The following SRRM3 variants were observed in gnomAD, a reference collection of about 807,000 sequenced individuals.
The protein encoded by SRRM3 is serine/arginine repetitive matrix protein 3.
SRRM3 carries 27 observed loss-of-function variants against 66.2 expected under a neutral mutation model. The observed-to-expected ratio is 0.41, with a 90% CI of 0.30 to 0.56. The LOEUF is 0.56. SRRM3 is among the 20% of genes least tolerant of loss of function. The pLI, the probability that SRRM3 is intolerant of heterozygous loss-of-function variation, is 0.32. For missense variants in SRRM3, 918 were observed against 991.9 expected, an observed-to-expected ratio of 0.93 and a Z score of 1.00; for synonymous variants, 391 against 414.9, an observed-to-expected ratio of 0.94 and a Z score of 0.70.
At chr7:76,283,197 C>A in intron 14 of SRRM3, 96 bp downstream of exon 14, 7 of 1,287,872 alleles carry the variant, frequency 5.4e-6, no homozygotes, top group Non-Finnish European at 6.9e-6. Flanking sequence ...CTCTGAGGAT[C>A]CACTGAACCT....
chr7:76,246,062 C>T (rs1304233634), intron 2 of SRRM3, among the ~76,000 whole-genome samples: 1 of 152,146 alleles, frequency 6.6e-6, no homozygotes, highest in African/African-American at 2.4e-5. Context: ...TCACCATGTT[C>T]TCTGTCCTAG....
At chr7:76,248,128 C>T (rs570658579) in intron 2 of SRRM3, 60 bp from the exon 3 acceptor site, 2 of 1,395,708 alleles carry the variant, frequency 1.4e-6, no homozygotes, top group African/African-American at 2.8e-5. Context: ...GAGTGCGGGG[C>T]AGGAAAGAGG....
chr7:76,285,435 G>GA lies in SRRM3; in HGVS notation c.1734-176dup, dbSNP rs1802638264. Among the ~76,000 whole-genome samples, 1 of 152,202 alleles carries GA rather than the reference G, an allele frequency of 6.6e-6. No individual in the cohort carries two copies. ...TCTCCTTTCCCTGCAGATAGGTGAA[G>GA]AAAAGCAAAATGATCAACATGGAAT... On this transcript the variant is annotated intron_variant, in intron 14 of 14. Transcript: ENST00000611745. The surrounding 1 kb of genome is among the most constrained non-coding windows in gnomAD (Gnocchi z 4.1).
rs1295430275 is a variant in SRRM3 at position 76,285,320 on chromosome 7, T to A, written c.1734-295T>A. 5.2e-6 allele frequency: 2 copies of A among 387,042 alleles called. No individual in the cohort carries two copies. The highest frequency in any genetic ancestry group is 9.5e-6 in the Non-Finnish European group (2 of 211,406). 24.0% of individuals were successfully genotyped at this position (387,042 alleles called of 1,614,324 possible). A position where few individuals can be genotyped will look rare whatever the true frequency, so the allele number is the denominator to read the frequency against. ...CTCAAGTGATCCGCCCGCCTCAGCC[T>A]CCCAAAGTGCTGGGATTACAGGCGT... is the stretch of plus-strand genomic sequence containing the variant. On this transcript the variant is annotated intron_variant, in intron 14 of 14. Coordinates refer to ENST00000611745, the MANE Select transcript of SRRM3 (RefSeq NM_001110199.3). This position sits in a 1 kb window ranked among gnomAD's most constrained non-coding sequence, Gnocchi z 4.1.
intron 1 of SRRM3, among the ~76,000 whole-genome samples, chr7:76,212,865 A>T (rs1017056719): frequency 1.3e-5 from 2 of 151,968 alleles, no homozygotes; most frequent in Middle Eastern, 3.2e-3. Flanking sequence ...CTTCGCCTGG[A>T]ATGCCCTTCC....
In SRRM3 at chr7:76,265,378, C is replaced by T; in HGVS notation, c.740C>T (p.Ser247Phe). Residue 247 changes from serine (S) to phenylalanine (F), a missense_variant, in exon 10 of 15, where the codon TCC becomes TTC. Physicochemically the swap from Ser to Phe is radical, Grantham distance 155 (BLOSUM62 -2). Transcript: ENST00000611745. The part of the protein sequence containing the change: ...NKEKKRPHTE[S>F]PGRRSHRHSS... ...ATCCACGCCAGGCCTCACACAGAGT[C>T]CCCAGGCCGGAGGTCTCATCGCCAT... is the stretch of plus-strand genomic sequence containing the variant. The T allele has an allele frequency of 6.3e-7, 1 of 1,599,094 alleles. No homozygotes were observed. The highest frequency in any genetic ancestry group is 1.1e-5 in the South Asian group (1 of 88,056).
At chr7:76,202,677 A>AC (rs567160849) in intron 1 of SRRM3, among the ~76,000 whole-genome samples, 1 of 151,708 alleles carries the variant, frequency 6.6e-6, no homozygotes, top group Non-Finnish European at 1.5e-5. Context: ...CTCTGTGCAC[A>AC]CCCCCCACCC....
chr7:76,269,579 G>A (rs890764561), intron 11 of SRRM3: 4 of 151,586 alleles, frequency 2.6e-5, no homozygotes, highest in Non-Finnish European at 5.9e-5. Flanking sequence ...AGAAACAAAT[G>A]GAAAAAAAGG....
chr7:76,233,644 C>CT (rs1801067053), intron 1 of SRRM3, among the ~76,000 whole-genome samples: 1 of 152,096 alleles, frequency 6.6e-6, no homozygotes. Flanking sequence ...GCTTTGGTCT[C>CT]TGAGTCCCCA....
At chr7:76,238,996 G>A (rs536279469) in intron 2 of SRRM3, among the ~76,000 whole-genome samples, 16 of 151,994 alleles carry the variant, frequency 1.1e-4, no homozygotes, top group African/African-American at 3.1e-4. Context: ...TGGGTGAGGC[G>A]ACAGAGCACA....
At chr7:76,282,539 T>C in intron 12 of SRRM3, 109 bp from the exon 13 acceptor site, 1 of 561,272 alleles carries the variant, frequency 1.8e-6, no homozygotes, top group South Asian at 2.9e-5. Context: ...GACCACAAAC[T>C]ACACGGACCC....
intron 8 of SRRM3, 26 bp from the exon 9 acceptor site, chr7:76,264,739 A>G (rs782803948): frequency 6.2e-5 from 100 of 1,613,236 alleles, no homozygotes; most frequent in South Asian, 5.5e-4. Flanking sequence ...GGGCCACACC[A>G]TCACTGTGGT....
chr7:76,209,296 G>A (rs1554601484), intron 1 of SRRM3, among the ~76,000 whole-genome samples: 1 of 152,188 alleles, frequency 6.6e-6, no homozygotes, highest in Non-Finnish European at 1.5e-5. Flanking sequence ...GGAAAGGAAG[G>A]CAGTCATGAA....
rs1443052247 is a variant in SRRM3 at position 76,205,410 on chromosome 7, A to C, written c.-40+3343A>C. On this transcript the variant is annotated intron_variant, in intron 1 of 14. Transcript: ENST00000611745. ...TTTTTAGTAGAGATGGGGTTTTGTG[A>C]TGTTGGCCAAGCTGCTCTCAATCTC... Among the ~76,000 whole-genome samples the C allele has an allele frequency of 2.0e-5, 3 of 151,944 alleles. No homozygotes were observed. In the East Asian group the frequency reaches 5.8e-4, roughly 29 times the overall value.
chr7:76,225,504 C>T (rs2116973967), intron 1 of SRRM3, among the ~76,000 whole-genome samples: 1 of 122,098 alleles, frequency 8.2e-6, no homozygotes, highest in East Asian at 2.9e-4. Flanking sequence ...GCAAAAGAGG[C>T]TTCTCAGCCC....
intron 3 of SRRM3, among the ~76,000 whole-genome samples, chr7:76,253,850 G>A (rs1801642283): frequency 2.0e-5 from 3 of 150,176 alleles, no homozygotes; most frequent in South Asian, 2.1e-4. Context: ...AGGAGAAGCA[G>A]GATAGGAGAG....
At chr7:76,260,083 C>A in intron 4 of SRRM3, 34 bp from the exon 5 acceptor site, 1 of 1,395,558 alleles carries the variant, frequency 7.2e-7, no homozygotes. Flanking sequence ...GCTGCCCCCC[C>A]TCACCGCCCC....
At chr7:76,232,056 C>T (rs782196170) in intron 1 of SRRM3, among the ~76,000 whole-genome samples, 1 of 152,084 alleles carries the variant, frequency 6.6e-6, no homozygotes, top group South Asian at 2.1e-4. Context: ...TCTTGCAGGC[C>T]GTATCAAGGA....
chr7:76,219,477 T>C (rs985648502), intron 1 of SRRM3, among the ~76,000 whole-genome samples: 6 of 152,198 alleles, frequency 3.9e-5, no homozygotes, highest in Non-Finnish European at 7.3e-5. Flanking sequence ...CTCTTTGATC[T>C]CAGCCAGCCC....
Sources: allele counts gnomAD v4.1 joint callset (sites outside exome capture counted in the v4.1 genomes callset), GRCh38; gene constraint gnomAD v4.1.1; non-coding constraint Gnocchi (gnomAD v3.1); transcripts MANE v1.5; gene names NCBI Gene and HGNC (gene_info 2026-07-23, HGNC 2026-07-21).